Variants in ZNF407 observed in about 807,000 individuals in gnomAD.
ZNF407 encodes zinc finger protein 407.
ZNF407 carries 17 observed loss-of-function variants against 131.2 expected under a neutral mutation model. The ratio of observed to expected loss-of-function variants is 0.13; its 90% confidence interval spans 0.09 to 0.19. The LOEUF is 0.19. Among genes scored for constraint, ZNF407 ranks in the 10% least tolerant of loss-of-function variants. The pLI is 1.00. For missense variants in ZNF407, 2,681 were observed against 2,830.6 expected, an observed-to-expected ratio of 0.95 and a Z score of 1.20; for synonymous variants, 1,156 against 1,062.0, an observed-to-expected ratio of 1.09 and a Z score of -1.72.
chr18:74,642,106 G>A (rs1348751718), intron 3 of ZNF407, among the ~76,000 whole-genome samples: 1 of 152,018 alleles, frequency 6.6e-6, no homozygotes, highest in Non-Finnish European at 1.5e-5. Flanking sequence ...TTATTTGTTG[G>A]ACAGTACATT....
intron 6 of ZNF407, among the ~76,000 whole-genome samples, chr18:74,888,454 A>T (rs958812566): frequency 1.3e-5 from 2 of 152,164 alleles, no homozygotes; most frequent in African/African-American, 4.8e-5. Context: ...CAATATTTTT[A>T]TCATAATCTT....
In ZNF407 at chr18:74,876,490, T is replaced by C. The variant is rs1488184360; in HGVS notation, c.4878-707T>C. ...TTGGTGGTTCAGAGTTCCTTTATTATTAAAGGTATTGAAAGGTCTTAAATG... is the reference window on the plus strand; with the variant it reads ...TTGGTGGTTCAGAGTTCCTTTATTACTAAAGGTATTGAAAGGTCTTAAATG... On this transcript the variant is annotated intron_variant, in intron 4 of 8. Transcript: ENST00000299687. Among the ~76,000 whole-genome samples the C allele has an allele frequency of 7.2e-5, 11 of 152,216 alleles. 1 individual carries two copies.
At chr18:74,930,756 T>C (rs971815304) in intron 8 of ZNF407, among the ~76,000 whole-genome samples, 14 of 152,200 alleles carry the variant, frequency 9.2e-5, no homozygotes, top group African/African-American at 2.7e-4. Context: ...TCCTGTGCCC[T>C]GTGTGCACCC....
At chr18:74,768,016 A>G (rs1370864656) in intron 3 of ZNF407, among the ~76,000 whole-genome samples, 4 of 151,938 alleles carry the variant, frequency 2.6e-5, no homozygotes, top group Non-Finnish European at 5.9e-5. Context: ...TTCTCTGCAT[A>G]TATATATTGA....
At chr18:74,714,705 A>T (rs1422922317) in intron 3 of ZNF407, among the ~76,000 whole-genome samples, 1 of 152,172 alleles carries the variant, frequency 6.6e-6, no homozygotes, top group African/African-American at 2.4e-5. Context: ...TAGTATTATC[A>T]TATGTGGGTT....
chr18:74,913,823 G>T (rs555265881), intron 7 of ZNF407, among the ~76,000 whole-genome samples: 1 of 152,200 alleles, frequency 6.6e-6, no homozygotes, highest in Non-Finnish European at 1.5e-5. Context: ...ATAAGTGAGT[G>T]TGTAGTACTG....
At chr18:74,610,008 C>T (rs987857324) in intron 1 of ZNF407, among the ~76,000 whole-genome samples, 6 of 152,070 alleles carry the variant, frequency 3.9e-5, no homozygotes, top group Non-Finnish European at 7.4e-5. Context: ...ACACATATGC[C>T]TTTATTGTCC....
intron 8 of ZNF407, among the ~76,000 whole-genome samples, chr18:75,036,399 G>A (rs1355488747): frequency 3.3e-5 from 5 of 152,130 alleles, no homozygotes; most frequent in Admixed American, 3.3e-4. Flanking sequence ...ATGTCTCACA[G>A]GAGAGAATTC....
At chr18:74,979,981 G>A (rs111814524) in intron 8 of ZNF407, among the ~76,000 whole-genome samples, 5,541 of 152,038 alleles carry the variant, frequency 0.036, 326 homozygotes, top group African/African-American at 0.12. Context: ...AATCTGTGGT[G>A]TTTGCCAGTT....
chr18:74,803,989 G>A lies in ZNF407; in HGVS notation c.4877+22487G>A, dbSNP rs200042357. ...AGTAAAGGTTGCATATCGAAAGATC[G>A]GGACGTTGCCAGGAATACAGAACAA... On this transcript the variant is annotated intron_variant, in intron 4 of 8. Transcript: ENST00000299687. 491 of 1,551,736 alleles carry A rather than the reference G, an allele frequency of 3.2e-4. 2 individuals are homozygous for A. Among genetic ancestry groups the A allele is most frequent in the Middle Eastern group, 6.7e-4 (4 of 5,994 alleles).
chr18:74,890,240 G>T (rs1045233204), intron 7 of ZNF407, among the ~76,000 whole-genome samples: 47 of 152,288 alleles, frequency 3.1e-4, no homozygotes, highest in South Asian at 1.5e-3. Flanking sequence ...TGAGAGGATG[G>T]TAGAGAAATG....
intron 7 of ZNF407, among the ~76,000 whole-genome samples, chr18:74,914,142 G>T (rs750619515): frequency 2.6e-5 from 4 of 152,218 alleles, no homozygotes; most frequent in Non-Finnish European, 4.4e-5. Context: ...CAGGAATCCT[G>T]GTGAGGAGTG....
At chr18:74,617,913 T>A (rs1983384509) in intron 1 of ZNF407, among the ~76,000 whole-genome samples, 1 of 152,212 alleles carries the variant, frequency 6.6e-6, no homozygotes, top group Admixed American at 6.5e-5. Flanking sequence ...TTTGCCAGTA[T>A]GCTTTTCTAT....
intron 4 of ZNF407, among the ~76,000 whole-genome samples, chr18:74,795,312 A>G (rs1381857816): frequency 6.6e-6 from 1 of 152,230 alleles, no homozygotes; most frequent in African/African-American, 2.4e-5. Flanking sequence ...TTTGTGGCAT[A>G]TATCAAATCA....
intron 3 of ZNF407, among the ~76,000 whole-genome samples, chr18:74,653,364 C>T (rs994727114): frequency 6.6e-6 from 1 of 151,744 alleles, no homozygotes; most frequent in Non-Finnish European, 1.5e-5. Context: ...TCCATTAAAC[C>T]TGCCATTTGC....
At chr18:74,675,320 T>C (rs1986310162) in intron 3 of ZNF407, among the ~76,000 whole-genome samples, 2 of 152,242 alleles carry the variant, frequency 1.3e-5, no homozygotes, top group African/African-American at 2.4e-5. Context: ...TTTATTTCCT[T>C]CTTTATTGTC....
chr18:74,891,714 ATGT>A (rs1432037465), intron 7 of ZNF407, among the ~76,000 whole-genome samples: 1 of 152,158 alleles, frequency 6.6e-6, no homozygotes, highest in Non-Finnish European at 1.5e-5. Context: ...ACATTATTAA[ATGT>A]TCTTTTTCCT....
At chr18:74,733,531 TA>T (rs536721898) in intron 3 of ZNF407, among the ~76,000 whole-genome samples, 13 of 152,056 alleles carry the variant, frequency 8.5e-5, no homozygotes, top group African/African-American at 1.9e-4. Context: ...AGTTGCAGTC[TA>T]AAAAAAATCT....
chr18:74,871,194 A>G (rs1275163752), intron 4 of ZNF407, among the ~76,000 whole-genome samples: 2 of 152,188 alleles, frequency 1.3e-5, no homozygotes, highest in Non-Finnish European at 2.9e-5. Context: ...TGTGTGCTGC[A>G]TTCTTCACAG....
Sources: gnomAD v4.1 joint callset for allele counts (sites outside exome capture counted in the v4.1 genomes callset) on GRCh38, gnomAD v4.1.1 for gene constraint, MANE v1.5 for transcripts, NCBI Gene and HGNC (gene_info 2026-07-23, HGNC 2026-07-21) for gene names.